Variants in IMMP2L observed in about 807,000 individuals in gnomAD.
IMMP2L encodes the protein mitochondrial inner membrane protease subunit 2.
A neutral mutation model predicts 19.3 loss-of-function variants in IMMP2L; 18 were observed. The ratio of observed to expected loss-of-function variants is 0.93; its 90% CI spans 0.64 to 1.38. The LOEUF is 1.38. IMMP2L is among the 40% of genes most tolerant of loss of function. The pLI is 0.00. For synonymous variants in IMMP2L, 76 were observed against 73.0 expected, an observed-to-expected ratio of 1.04 and a Z score of -0.21; for missense variants, 233 against 218.2, an observed-to-expected ratio of 1.07 and a Z score of -0.43.
At chr7:110,816,413 G>A (rs1425197021) in intron 5 of IMMP2L, among the ~76,000 whole-genome samples, 1 of 151,944 alleles carries the variant, frequency 6.6e-6, no homozygotes, top group Non-Finnish European at 1.5e-5. Flanking sequence ...GAATAGGTGT[G>A]GTGTGGTGCT....
intron 5 of IMMP2L, among the ~76,000 whole-genome samples, chr7:110,730,676 C>T (rs376908040): frequency 3.3e-5 from 5 of 152,200 alleles, no homozygotes; most frequent in African/African-American, 4.8e-5. Flanking sequence ...AGGCGCCAGC[C>T]ACCACGCCCA....
intron 5 of IMMP2L, among the ~76,000 whole-genome samples, chr7:110,761,931 C>T (rs1798371271): frequency 6.6e-6 from 1 of 152,116 alleles, no homozygotes; most frequent in Non-Finnish European, 1.5e-5. Flanking sequence ...TAAACACTGC[C>T]AGCATAGCTC....
chr7:111,286,553 A>T (rs1178792102), intron 3 of IMMP2L, among the ~76,000 whole-genome samples: 1 of 152,186 alleles, frequency 6.6e-6, no homozygotes, highest in Admixed American at 6.5e-5. Context: ...TTCCTCAGAA[A>T]TATTATGCAA....
intron 2 of IMMP2L, among the ~76,000 whole-genome samples, chr7:111,490,087 C>T (rs1283353820): frequency 6.7e-6 from 1 of 150,116 alleles, no homozygotes; most frequent in African/African-American, 2.5e-5. Context: ...TGAGCCACCA[C>T]GCCTGCCCTC....
intron 3 of IMMP2L, among the ~76,000 whole-genome samples, chr7:111,137,157 A>G (rs1055070051): frequency 1.3e-5 from 2 of 152,190 alleles, no homozygotes; most frequent in African/African-American, 4.8e-5. Context: ...TCTAGTGGCA[A>G]TAAGGTTTGG....
chr7:110,890,701 G>C (rs894731841), intron 4 of IMMP2L, among the ~76,000 whole-genome samples: 1 of 152,070 alleles, frequency 6.6e-6, no homozygotes, highest in African/African-American at 2.4e-5. Context: ...AATAATTTTG[G>C]TTTTGACAGT....
chr7:110,770,817 A>G (rs1046429378), intron 5 of IMMP2L, among the ~76,000 whole-genome samples: 1 of 152,150 alleles, frequency 6.6e-6, no homozygotes, highest in Non-Finnish European at 1.5e-5. Context: ...ATGACATTCT[A>G]GGAAGACTTG....
intron 4 of IMMP2L, among the ~76,000 whole-genome samples, chr7:110,942,116 T>C (rs1816797741): frequency 6.6e-6 from 1 of 152,018 alleles, no homozygotes. Flanking sequence ...ACCTAATAAA[T>C]TCTACTTCTA....
intron 3 of IMMP2L, among the ~76,000 whole-genome samples, chr7:111,000,111 C>G (rs555417363): frequency 6.6e-6 from 1 of 152,212 alleles, no homozygotes; most frequent in South Asian, 2.1e-4. Flanking sequence ...TTTTCCTAGG[C>G]ACCTGCCAGA....
At chr7:111,127,609 T>G (rs983982243) in intron 3 of IMMP2L, among the ~76,000 whole-genome samples, 2 of 152,212 alleles carry the variant, frequency 1.3e-5, no homozygotes, top group East Asian at 3.8e-4. Context: ...TGGTGTTTCA[T>G]ACTCTCTCTG....
intron 3 of IMMP2L, among the ~76,000 whole-genome samples, chr7:111,065,570 AT>A (rs1383001789): frequency 1.3e-5 from 2 of 152,150 alleles, no homozygotes; most frequent in African/African-American, 4.8e-5. Flanking sequence ...CCCACTCTTA[AT>A]TTGGATGGGC....
chr7:110,937,870 T>C lies in IMMP2L; in HGVS notation c.305+25630A>G, dbSNP rs1036151824. 5.9e-5 allele frequency among the ~76,000 whole-genome samples: 9 copies of C among 152,306 alleles called. No homozygotes were observed. The East Asian group carries it at 1.7e-3, about 29-fold the overall frequency. ...TTTCAACTGTGTTAAGAAGGATGCA[T>C]ACAAAGCCACTGCCAATTTCTACAA... On this transcript the variant is annotated intron_variant, in intron 4 of 5. Transcript: ENST00000405709.
At chr7:111,043,827 A>C (rs1290883378) in intron 3 of IMMP2L, among the ~76,000 whole-genome samples, 1 of 152,202 alleles carries the variant, frequency 6.6e-6, no homozygotes, top group Non-Finnish European at 1.5e-5. Context: ...GGAAGCAAAA[A>C]ACAGTTGTGG....
chr7:111,407,837 A>C (rs1383170549), intron 3 of IMMP2L, among the ~76,000 whole-genome samples: 1 of 152,078 alleles, frequency 6.6e-6, no homozygotes, highest in African/African-American at 2.4e-5. Flanking sequence ...AAAAAGAAAA[A>C]TAAATATTAC....
At chr7:111,540,920 T>TTA (rs1311287443) in intron 1 of IMMP2L, among the ~76,000 whole-genome samples, 2 of 152,264 alleles carry the variant, frequency 1.3e-5, no homozygotes, top group East Asian at 3.9e-4. Context: ...CAGGCTGTAT[T>TTA]GACAGCCATG....
At chr7:111,278,634 G>A (rs918956827) in intron 3 of IMMP2L, among the ~76,000 whole-genome samples, 8 of 152,042 alleles carry the variant, frequency 5.3e-5, no homozygotes, top group African/African-American at 1.4e-4. Context: ...TTGTATTAAC[G>A]CTCCAACTGA....
rs950766713 is a variant in IMMP2L at position 111,183,673 on chromosome 7, T to C, written c.240-220108A>G. Among the ~76,000 whole-genome samples, 7 of 152,086 alleles carry C rather than the reference T, an allele frequency of 4.6e-5. No homozygotes were observed. In the South Asian group the frequency reaches 1.5e-3, roughly 32 times the overall value. ...TTCCTAGATCACACATTGTTTCTCA[T>C]TAGCAGTGTGACTTCTCTCATTTTG... is the stretch of plus-strand genomic sequence containing the variant. On this transcript the variant is annotated intron_variant, in intron 3 of 5. Transcript: ENST00000405709.
chr7:111,004,599 C>G (rs984433008), intron 3 of IMMP2L, among the ~76,000 whole-genome samples: 29 of 152,172 alleles, frequency 1.9e-4, no homozygotes, highest in Non-Finnish European at 3.1e-4. Context: ...ATGAGAAACT[C>G]AACATTATCC....
In IMMP2L at chr7:110,713,933, G is replaced by C. The variant is rs143314548; in HGVS notation, c.409-50212C>G. Among the ~76,000 whole-genome samples the C allele has an allele frequency of 1.4e-4, 21 of 152,252 alleles. No individual in the cohort carries two copies. In the East Asian group the frequency reaches 3.3e-3, roughly 24 times the overall value. ...TGACTTTTATTTCTTTCTTTTGCCT[G>C]ATGGCTCTGGCTAGGAATTCCAGTA... On this transcript the variant is annotated intron_variant, in intron 5 of 5. Transcript: ENST00000405709.
Sources: allele counts gnomAD v4.1 joint callset (sites outside exome capture counted in the v4.1 genomes callset), GRCh38; gene constraint gnomAD v4.1.1; transcripts MANE v1.5; gene names NCBI Gene and HGNC (gene_info 2026-07-23, HGNC 2026-07-21).